Variants in TRHDE observed in about 807,000 individuals in gnomAD.
TRHDE encodes thyrotropin releasing hormone degrading enzyme, also known as thyrotropin-releasing hormone-degrading ectoenzyme.
Under a neutral mutation model 125.7 loss-of-function variants are expected in TRHDE, and 72 were observed. The ratio of observed to expected loss-of-function variants is 0.57; its 90% CI spans 0.47 to 0.70. The LOEUF (loss-of-function observed/expected upper bound fraction) is 0.70, where lower values mean the gene tolerates loss of function less well. TRHDE is among the 30% of genes least tolerant of loss of function. The pLI is 0.00. For synonymous variants in TRHDE, 509 were observed against 509.1 expected (o/e 1.00, Z 0.00); for missense variants, 1,110 against 1,327.1 (o/e 0.84, Z 2.54).
intron 3 of TRHDE, among the ~76,000 whole-genome samples, chr12:72,425,038 A>T (rs975817552): frequency 6.6e-6 from 1 of 152,268 alleles, no homozygotes; most frequent in Non-Finnish European, 1.5e-5. Flanking sequence ...CTTTACTCCT[A>T]TAAGAAAAAT....
intron 6 of TRHDE, among the ~76,000 whole-genome samples, chr12:72,541,068 G>T (rs1241967422): frequency 6.6e-6 from 1 of 151,544 alleles, no homozygotes; most frequent in African/African-American, 2.4e-5. Flanking sequence ...GGACTGGACA[G>T]CAGTCCAGTC....
chr12:72,532,274 A>T (rs1374881206), intron 6 of TRHDE, among the ~76,000 whole-genome samples: 1 of 151,706 alleles, frequency 6.6e-6, no homozygotes, highest in African/African-American at 2.4e-5. Flanking sequence ...CATTAATCTC[A>T]TGTCAGAGAT....
At chr12:72,138,860 C>A (rs114155083) in intron 2 of TRHDE, among the ~76,000 whole-genome samples, 5,376 of 152,192 alleles carry the variant, frequency 0.035, 166 homozygotes, top group African/African-American at 0.086. Context: ...TCAATGGTCC[C>A]GAAACAGAGG....
chr12:72,437,269 G>A lies in TRHDE; in HGVS notation c.1316-32489G>A, dbSNP rs12311565. On this transcript the variant is annotated intron_variant, in intron 3 of 18. Coordinates refer to ENST00000261180, the MANE Select transcript of TRHDE (RefSeq NM_013381.3). Reference sequence around the variant, plus strand: ...CCTTACAGAGAATGAATGCTCTGTGGAAGTAATTATTATCTTGCCTCTTTG... The same window carrying A: ...CCTTACAGAGAATGAATGCTCTGTGAAAGTAATTATTATCTTGCCTCTTTG... 2.3e-3 allele frequency among the ~76,000 whole-genome samples: 342 copies of A among 151,956 alleles called. 1 individual carries two copies. The highest frequency in any genetic ancestry group is 7.7e-3 in the African/African-American group (321 of 41,536).
chr12:72,549,472 G>T (rs1869571043), intron 7 of TRHDE, among the ~76,000 whole-genome samples: 1 of 151,802 alleles, frequency 6.6e-6, no homozygotes, highest in Non-Finnish European at 1.5e-5. Flanking sequence ...AATCTAAAAT[G>T]AATGACCATA....
chr12:72,558,363 G>T (rs563595815), intron 7 of TRHDE, among the ~76,000 whole-genome samples: 6 of 152,162 alleles, frequency 3.9e-5, no homozygotes, highest in Non-Finnish European at 7.4e-5. Flanking sequence ...AAAAGAATAT[G>T]TAGAGAATTG....
intron 3 of TRHDE, among the ~76,000 whole-genome samples, chr12:72,455,916 A>G (rs916317525): frequency 6.6e-6 from 1 of 151,990 alleles, no homozygotes; most frequent in African/African-American, 2.4e-5. Flanking sequence ...GTATGAATTT[A>G]GAATCATATA....
At chr12:72,530,638 CA>C (rs1868504522) in intron 6 of TRHDE, among the ~76,000 whole-genome samples, 1 of 150,926 alleles carries the variant, frequency 6.6e-6, no homozygotes, top group Admixed American at 6.6e-5. Flanking sequence ...TTCTAGATTT[CA>C]AAATCCGGTT....
chr12:72,109,831 G>T (rs1471853915), intron 2 of TRHDE, among the ~76,000 whole-genome samples: 1 of 152,038 alleles, frequency 6.6e-6, no homozygotes, highest in East Asian at 1.9e-4. Flanking sequence ...ATTGCCTGTG[G>T]CTGAGCACAT....
At chr12:72,241,362 T>C (rs1442806236) in intron 2 of TRHDE, among the ~76,000 whole-genome samples, 1 of 152,192 alleles carries the variant, frequency 6.6e-6, no homozygotes, top group African/African-American at 2.4e-5. Context: ...TTTACTATCA[T>C]TTCATCTTTT....
At chr12:72,617,917 A>T (rs1283534856) in intron 12 of TRHDE, among the ~76,000 whole-genome samples, 1 of 152,196 alleles carries the variant, frequency 6.6e-6, no homozygotes, top group Non-Finnish European at 1.5e-5. Context: ...GAATAGAGTC[A>T]CAATGGATAT....
intron 1 of TRHDE, among the ~76,000 whole-genome samples, chr12:72,280,752 C>T (rs941394075): frequency 6.6e-6 from 1 of 152,100 alleles, no homozygotes; most frequent in Non-Finnish European, 1.5e-5. Flanking sequence ...GAACCAGAGA[C>T]TGAAGAGTCA....
intron 3 of TRHDE, among the ~76,000 whole-genome samples, chr12:72,432,779 G>C (rs1465864557): frequency 6.6e-6 from 1 of 152,140 alleles, no homozygotes; most frequent in Non-Finnish European, 1.5e-5. Flanking sequence ...AATAGGGACA[G>C]TTTTTCTTTC....
intron 2 of TRHDE, among the ~76,000 whole-genome samples, chr12:72,218,680 C>A (rs11179111): frequency 6.6e-6 from 1 of 151,746 alleles, no homozygotes; most frequent in Non-Finnish European, 1.5e-5. Context: ...CCTTGATGTT[C>A]CCTGGTTTTT....
chr12:72,235,490 G>A (rs979952900), intron 2 of TRHDE, among the ~76,000 whole-genome samples: 2 of 152,186 alleles, frequency 1.3e-5, no homozygotes, highest in Non-Finnish European at 2.9e-5. Flanking sequence ...AAGGCAGCCT[G>A]TCTTTATCAG....
At chr12:72,392,287 A>G (rs1185919190) in intron 3 of TRHDE, among the ~76,000 whole-genome samples, 1 of 152,226 alleles carries the variant, frequency 6.6e-6, no homozygotes, top group African/African-American at 2.4e-5. Flanking sequence ...AAAGAATGCC[A>G]GTGAGGACAT....
chr12:72,311,282 G>T lies in TRHDE; in HGVS notation c.1188+24328G>T, dbSNP rs112513966. Among the ~76,000 whole-genome samples the T allele has an allele frequency of 6.0e-3, 905 of 152,004 alleles. 6 individuals carry two copies. The highest frequency in any genetic ancestry group is 0.021 in the African/African-American group (867 of 41,446). Reference sequence around the variant, plus strand: ...ATTAGCTATTTTTAAACAGGTTCTGGAAACCTGTTATTGGACTTCATTACT... The same window carrying T: ...ATTAGCTATTTTTAAACAGGTTCTGTAAACCTGTTATTGGACTTCATTACT... On this transcript the variant is annotated intron_variant, in intron 2 of 18. Transcript: ENST00000261180.
chr12:72,343,102 A>G (rs1217410045), intron 2 of TRHDE, among the ~76,000 whole-genome samples: 1 of 152,154 alleles, frequency 6.6e-6, no homozygotes, highest in Non-Finnish European at 1.5e-5. Context: ...ACTTCAGCCT[A>G]TGGTCTTAAT....
At position 72,272,524 on chromosome 12, in the gene TRHDE, C is replaced by T; in HGVS notation, c.-120C>T. 3.6e-6 allele frequency: 2 copies of T among 558,740 alleles called. No homozygotes were observed. The highest frequency in any genetic ancestry group is 1.9e-5 in the African/African-American group (1 of 52,356). The allele number at this position is 558,740 out of a possible 1,614,324, so 34.6% of individuals were successfully genotyped here. ...CCCGTCTTAAAAGAACCCGGGCCAG[C>T]ATCCCCAGTCGCGCGCCCTCGGCCC... On this transcript the variant is annotated 5_prime_UTR_variant, in exon 1 of 19. Transcript: ENST00000261180. This position sits in a 1 kb window ranked among gnomAD's most constrained non-coding sequence, Gnocchi z 6.7.
Sources: gnomAD v4.1 joint callset for allele counts (sites outside exome capture counted in the v4.1 genomes callset) on GRCh38, gnomAD v4.1.1 for gene constraint, Gnocchi (gnomAD v3.1) non-coding constraint, MANE v1.5 for transcripts, NCBI Gene and HGNC (gene_info 2026-07-23, HGNC 2026-07-21) for gene names.